Variants in FBN1 observed in about 807,000 individuals in gnomAD.
FBN1 encodes the protein fibrillin 1.
FBN1 carries 29 observed loss-of-function variants against 365.1 expected under a neutral mutation model. The observed-to-expected ratio is 0.08, with a 90% CI of 0.06 to 0.11. The LOEUF (loss-of-function observed/expected upper bound fraction) is 0.11. Ranked by LOEUF, FBN1 falls within the 10% of genes least tolerant of loss-of-function variation. FBN1 has a pLI of 1.00. For missense variants in FBN1, 2,476 were observed against 3,703.2 expected (o/e 0.67, Z 8.60); for synonymous variants, 1,210 against 1,270.5 (o/e 0.95, Z 1.01).
At chr15:48,521,114 GA>G (rs1223890612) in intron 9 of FBN1, among the ~76,000 whole-genome samples, 1 of 152,208 alleles carries the variant, frequency 6.6e-6, no homozygotes, top group Non-Finnish European at 1.5e-5. Flanking sequence ...GAGAGACTAA[GA>G]AAATCACTAG....
intron 5 of FBN1, among the ~76,000 whole-genome samples, chr15:48,597,920 T>C (rs1360211875): frequency 6.6e-6 from 1 of 152,206 alleles, no homozygotes; most frequent in Non-Finnish European, 1.5e-5. Context: ...GTGTTGGGCA[T>C]TGGGCTAAAC....
At chr15:48,637,663 G>C (rs888863137) in intron 2 of FBN1, among the ~76,000 whole-genome samples, 1 of 152,078 alleles carries the variant, frequency 6.6e-6, no homozygotes, top group Non-Finnish European at 1.5e-5. Context: ...CAGTTAATCA[G>C]CTCATCAAAA....
chr15:48,412,937 T>C (rs1018903127), intron 64 of FBN1, among the ~76,000 whole-genome samples, 194 bp from the exon 65 acceptor site: 2 of 152,364 alleles, frequency 1.3e-5, no homozygotes, highest in South Asian at 4.1e-4. Context: ...CCTGAATGTA[T>C]TGATTTCCTT....
intron 2 of FBN1, among the ~76,000 whole-genome samples, chr15:48,616,345 G>A (rs1263585568): frequency 6.6e-6 from 1 of 152,148 alleles, no homozygotes; most frequent in East Asian, 1.9e-4. Context: ...ATGCTATGTG[G>A]TATGGCTCAA....
intron 6 of FBN1, among the ~76,000 whole-genome samples, chr15:48,580,358 G>A (rs2044382494): frequency 6.6e-6 from 1 of 152,098 alleles, no homozygotes; most frequent in Admixed American, 6.6e-5. Flanking sequence ...TCAAGCAATC[G>A]ATCAATCAGT....
intron 3 of FBN1, among the ~76,000 whole-genome samples, chr15:48,612,756 T>C (rs1288567400): frequency 6.6e-6 from 1 of 152,126 alleles, no homozygotes; most frequent in Non-Finnish European, 1.5e-5. Flanking sequence ...AGTAATTAGA[T>C]AGTCTGTGTA....
chr15:48,463,094 T>C lies in FBN1; in HGVS notation c.5212A>G (p.Ile1738Val). ...AACTAAAACTCACCTGTACTTGGGA[T>C]GGGACACTGTTCACAGGGCTTGTTC... ...AWNKPCEQCPIPSTDEFATLC... is the reference protein window; with the variant it reads ...AWNKPCEQCPVPSTDEFATLC... Residue 1738 changes from isoleucine (I) to valine (V), a missense_variant, in exon 42 of 66, where the codon ATC (isoleucine) becomes GTC (valine). Physicochemically the swap from Ile to Val is conservative, Grantham distance 29. Coordinates refer to ENST00000316623, the MANE Select transcript of FBN1 (RefSeq NM_000138.5). The C allele has an allele frequency of 6.2e-7, 1 of 1,614,046 alleles. No individual in the cohort carries two copies. Among genetic ancestry groups the C allele is most frequent in the Non-Finnish European group, 8.5e-7 (1 of 1,179,876 alleles).
chr15:48,447,607 A>G (rs2043169841), intron 46 of FBN1, among the ~76,000 whole-genome samples: 1 of 152,214 alleles, frequency 6.6e-6, no homozygotes, highest in South Asian at 2.1e-4. Flanking sequence ...TTAATGAAAG[A>G]AAGTTGTTAC....
chr15:48,472,785 A>C, intron 34 of FBN1, 109 bp from the exon 35 acceptor site: 1 of 1,457,342 alleles, frequency 6.9e-7, no homozygotes, highest in Non-Finnish European at 9.5e-7. Context: ...CTTCAATTTG[A>C]CACATTTAAA....
chr15:48,415,537 C>G lies in FBN1; in HGVS notation c.8050G>C (p.Gly2684Arg). Residue 2684 changes from glycine (G) to arginine (R), a missense_variant and splice_region_variant, in exon 64 of 66, where the codon GGG becomes CGG. By Grantham distance (125) the Gly-to-Arg change is moderately radical. Coordinates refer to ENST00000316623, the MANE Select transcript of FBN1 (RefSeq NM_000138.5). The part of the protein sequence containing the change: ...CPPGYFRIGQ[G>R]HCVSGMGMGR... Reference sequence around the variant, plus strand: ...ATGACCAGGAAGAGCACTGCTTACCCTTGGCCTATGCGGAAGTAACCAGGT... The same window carrying G: ...ATGACCAGGAAGAGCACTGCTTACCGTTGGCCTATGCGGAAGTAACCAGGT... 1.2e-6 allele frequency: 2 copies of G among 1,610,174 alleles called. No individual in the cohort carries two copies. Among genetic ancestry groups the G allele is most frequent in the Non-Finnish European group, 1.7e-6 (2 of 1,176,372 alleles).
intron 6 of FBN1, among the ~76,000 whole-genome samples, chr15:48,563,348 T>C (rs2044237981): frequency 6.6e-6 from 1 of 152,024 alleles, no homozygotes; most frequent in African/African-American, 2.4e-5. Flanking sequence ...ATGAAGGGGT[T>C]AGGTAAATAA....
intron 46 of FBN1, among the ~76,000 whole-genome samples, 196 bp from the exon 47 acceptor site, chr15:48,447,018 T>C (rs374449769): frequency 6.6e-6 from 1 of 152,142 alleles, no homozygotes; most frequent in African/African-American, 2.4e-5. Context: ...ATCTTGGGAA[T>C]AAATGGTTTC....
At chr15:48,515,571 A>G in intron 11 of FBN1, 44 bp from the exon 12 acceptor site, 1 of 1,608,400 alleles carries the variant, frequency 6.2e-7, no homozygotes, top group Non-Finnish European at 8.5e-7. Context: ...TAACTATGGT[A>G]TCTTTCATCA....
intron 8 of FBN1, among the ~76,000 whole-genome samples, chr15:48,528,751 G>A (rs945124729): frequency 3.3e-5 from 5 of 152,128 alleles, no homozygotes; most frequent in Non-Finnish European, 5.9e-5. Flanking sequence ...ATTTGAAAGA[G>A]CTTAAACGAC....
intron 32 of FBN1, among the ~76,000 whole-genome samples, chr15:48,476,250 TA>T (rs1456722737): frequency 6.6e-6 from 1 of 152,226 alleles, no homozygotes; most frequent in Non-Finnish European, 1.5e-5. Context: ...CTGCCTCAGG[TA>T]ATTGCTCCCC....
At chr15:48,515,046 G>C (rs1280512181) in intron 12 of FBN1, among the ~76,000 whole-genome samples, 1 of 152,176 alleles carries the variant, frequency 6.6e-6, no homozygotes. Flanking sequence ...GAGAGCCAGA[G>C]AGAGACAAAG....
At position 48,452,626 on chromosome 15, in the gene FBN1, A is replaced by C. The variant is rs1261752884; in HGVS notation, c.5481T>G (p.Thr1827=). The C allele has an allele frequency of 3.7e-6, 6 of 1,614,074 alleles. No homozygotes were observed. Among genetic ancestry groups the C allele is most frequent in the Non-Finnish European group, 4.2e-6 (5 of 1,180,012 alleles). The change falls in exon 45 of 66, where the codon ACT becomes ACG. Residue 1827 remains threonine, a synonymous_variant. Transcript: ENST00000316623. Reference sequence around the variant, plus strand: ...TACAGTCACAGCGGTAGCTGCCTGCAGTGTTGATGCATTCGGCGTTGCGCT... The same window carrying C: ...TACAGTCACAGCGGTAGCTGCCTGCCGTGTTGATGCATTCGGCGTTGCGCT... ...VCQRNAECIN[T]AGSYRCDCKP...
intron 6 of FBN1, among the ~76,000 whole-genome samples, chr15:48,558,415 T>C (rs185014682): frequency 2.5e-3 from 375 of 152,290 alleles, no homozygotes; most frequent in South Asian, 4.1e-3. Context: ...AAACCCTTTC[T>C]AAACAGGTAC....
At position 48,417,196 on chromosome 15, in the gene FBN1, A is replaced by T. The variant is rs138325727; in HGVS notation, c.7820-1429T>A. 1.8e-4 allele frequency among the ~76,000 whole-genome samples: 28 copies of T among 152,362 alleles called. 1 individual carries two copies. In the East Asian group the frequency reaches 5.4e-3, roughly 29 times the overall value. ...TGTAATTAGTTTACCTTCTTTGCTA[A>T]GGCACATTCATTTATAAAGAAAAAT... On this transcript the variant is annotated intron_variant, in intron 63 of 65. Transcript: ENST00000316623.
Sources: allele counts gnomAD v4.1 joint callset (sites outside exome capture counted in the v4.1 genomes callset), GRCh38; gene constraint gnomAD v4.1.1; transcripts MANE v1.5; gene names NCBI Gene and HGNC (gene_info 2026-07-23, HGNC 2026-07-21).